The following MYO10 variants were observed in gnomAD, a reference collection of about 807,000 sequenced individuals.
The protein encoded by MYO10 is myosin X.
In MYO10, 133 loss-of-function variants were observed where a neutral mutation model predicts 257.3. The observed-to-expected ratio is 0.52, with a 90% CI of 0.45 to 0.60. The LOEUF (loss-of-function observed/expected upper bound fraction) is 0.60, where lower values mean the gene tolerates loss of function less well. MYO10 is among the 20% of genes least tolerant of loss of function. MYO10 has a pLI of 0.00. For synonymous variants in MYO10, 1,104 were observed against 1,028.6 expected, an observed-to-expected ratio of 1.07 and a Z score of -1.40; for missense variants, 2,399 against 2,635.7, an observed-to-expected ratio of 0.91 and a Z score of 1.97.
intron 19 of MYO10, among the ~76,000 whole-genome samples, chr5:16,732,570 G>T (rs1298997950): frequency 6.6e-6 from 1 of 152,202 alleles, no homozygotes; most frequent in Non-Finnish European, 1.5e-5. Flanking sequence ...TAGGAGGGCA[G>T]CTGTCTCTCT....
chr5:16,815,801 G>A (rs1742586913), intron 3 of MYO10, among the ~76,000 whole-genome samples: 1 of 152,168 alleles, frequency 6.6e-6, no homozygotes, highest in Non-Finnish European at 1.5e-5. Context: ...GATGAGAACA[G>A]AGAAATAAAT....
chr5:16,906,231 A>C (rs866597491), intron 1 of MYO10, among the ~76,000 whole-genome samples: 3 of 152,100 alleles, frequency 2.0e-5, no homozygotes, highest in African/African-American at 4.8e-5. Flanking sequence ...CCATTCCTCA[A>C]CACCACACCC....
rs954709607 is a variant in MYO10, at chr5:16,703,007, G to T, written c.2428C>A (p.Gln810Lys). 1.2e-5 allele frequency: 19 copies of T among 1,552,204 alleles called. No homozygotes were observed. Among genetic ancestry groups the T allele is most frequent in the Non-Finnish European group, 1.6e-5 (18 of 1,147,160 alleles). The change falls in exon 23 of 41, where the codon CAA becomes AAA. Residue 810 changes from glutamine (Q) to lysine (K), a missense_variant. By Grantham distance (53) the Gln-to-Lys change is moderately conservative. Around this residue, in one of 3 missense-constraint regions of MYO10, gnomAD observed 1,820 missense variants for 1,939.4 expected, o/e 0.94. Transcript: ENST00000513610. ...RGQIARRVYR[Q>K]LLAEKREQEE... Reference sequence around the variant, plus strand: ...TGCTCCCTTTTCTCTGCCAGCAATTGTCTGTAAACTCTCCGAGCAATCTGA... The same window carrying T: ...TGCTCCCTTTTCTCTGCCAGCAATTTTCTGTAAACTCTCCGAGCAATCTGA...
rs1737920696 is a variant in MYO10, at chr5:16,699,432, T to C, written c.3556+18A>G. 5 of 1,612,322 alleles carry C rather than the reference T, an allele frequency of 3.1e-6. No homozygotes were observed. The highest frequency in any genetic ancestry group is 4.2e-6 in the Non-Finnish European group (5 of 1,179,078). On this transcript the variant is annotated intron_variant, in intron 26 of 40. Transcript: ENST00000513610. ...CGCTCTCCCCCTAACCCAGACTCCA[T>C]GGCGGCTGCAGTCATACCTTTCATG... is the stretch of plus-strand genomic sequence containing the variant.
At chr5:16,866,845 C>T (rs1744264361) in intron 2 of MYO10, among the ~76,000 whole-genome samples, 1 of 152,194 alleles carries the variant, frequency 6.6e-6, no homozygotes, top group South Asian at 2.1e-4. Context: ...GCCTTTTCCT[C>T]CAACCTCACG....
At chr5:16,775,035 A>G (rs533478243) in intron 9 of MYO10, among the ~76,000 whole-genome samples, 1 of 152,340 alleles carries the variant, frequency 6.6e-6, no homozygotes, top group South Asian at 2.1e-4. Flanking sequence ...GTAAAAGAAT[A>G]AACAGATGAT....
At chr5:16,884,935 T>C (rs1409766006) in intron 1 of MYO10, among the ~76,000 whole-genome samples, 1 of 152,176 alleles carries the variant, frequency 6.6e-6, no homozygotes, top group Non-Finnish European at 1.5e-5. Context: ...ACAAAACCAT[T>C]CACTGTCAGT....
At chr5:16,865,567 T>C (rs1006249473) in intron 2 of MYO10, among the ~76,000 whole-genome samples, 9 of 152,258 alleles carry the variant, frequency 5.9e-5, no homozygotes, top group Admixed American at 2.0e-4. Context: ...TCCCAGCACT[T>C]TGGGAGGCCG....
intron 1 of MYO10, among the ~76,000 whole-genome samples, chr5:16,921,799 G>C (rs950080027): frequency 1.3e-5 from 2 of 152,110 alleles, no homozygotes; most frequent in African/African-American, 4.8e-5. Flanking sequence ...ACAACCAGGA[G>C]GTGAGGGTAT....
intron 2 of MYO10, among the ~76,000 whole-genome samples, chr5:16,846,586 T>C (rs1743641848): frequency 6.6e-6 from 1 of 152,132 alleles, no homozygotes; most frequent in African/African-American, 2.4e-5. Flanking sequence ...AGAAGGAGGG[T>C]GGCCACAAAC....
At chr5:16,681,187 A>T in intron 32 of MYO10, 122 bp downstream of exon 32, 1 of 1,112,660 alleles carries the variant, frequency 9.0e-7, no homozygotes, top group Non-Finnish European at 1.3e-6. Flanking sequence ...AAGATAAACC[A>T]AGAGGACAAC....
intron 21 of MYO10, among the ~76,000 whole-genome samples, chr5:16,707,577 AGAACTGAG>A (rs1174625003): frequency 1.3e-5 from 2 of 152,324 alleles, no homozygotes; most frequent in Non-Finnish European, 2.9e-5. Context: ...TCATTGCCAC[AGAACTGAG>A]GAAGAAAAGT....
chr5:16,833,932 A>T (rs528041261), intron 2 of MYO10, among the ~76,000 whole-genome samples: 1 of 152,280 alleles, frequency 6.6e-6, no homozygotes, highest in East Asian at 1.9e-4. Flanking sequence ...ATCTGGCCAT[A>T]CCCTGATTGG....
chr5:16,828,139 T>C (rs559390612), intron 2 of MYO10, among the ~76,000 whole-genome samples: 3 of 152,246 alleles, frequency 2.0e-5, no homozygotes, highest in Middle Eastern at 3.4e-3. Flanking sequence ...GCGGCAGAGA[T>C]GCTGAGGCTT....
chr5:16,874,897 C>T (rs1744556201), intron 2 of MYO10, among the ~76,000 whole-genome samples: 1 of 152,152 alleles, frequency 6.6e-6, no homozygotes, highest in African/African-American at 2.4e-5. Context: ...TTTAATTGGA[C>T]TTACAGTTCC....
At chr5:16,746,796 CCA>C (rs1740210626) in intron 19 of MYO10, among the ~76,000 whole-genome samples, 1 of 152,116 alleles carries the variant, frequency 6.6e-6, no homozygotes, top group African/African-American at 2.4e-5. Context: ...GCCTTTGCTT[CCA>C]CAGTGACAGG....
chr5:16,672,846 A>T (rs1427959507), intron 36 of MYO10, 21 bp from the exon 37 acceptor site: 22 of 1,609,388 alleles, frequency 1.4e-5, no homozygotes, highest in Non-Finnish European at 1.9e-5. Flanking sequence ...CACCAGGGGG[A>T]CTTCAGTTCC....
At chr5:16,774,606 A>T in intron 9 of MYO10, among the ~76,000 whole-genome samples, 1 of 151,970 alleles carries the variant, frequency 6.6e-6, no homozygotes. Context: ...TATTTTTAGT[A>T]GAGACGGGGT....
intron 3 of MYO10, among the ~76,000 whole-genome samples, chr5:16,798,844 A>G (rs1404586145): frequency 3.3e-5 from 5 of 152,162 alleles, no homozygotes; most frequent in African/African-American, 1.2e-4. Context: ...CCAACCATCA[A>G]CACGGCGGGC....
Sources: allele counts gnomAD v4.1 joint callset (sites outside exome capture counted in the v4.1 genomes callset), GRCh38; gene constraint gnomAD v4.1.1; regional missense constraint gnomAD v4.1.1; transcripts MANE v1.5; gene names NCBI Gene and HGNC (gene_info 2026-07-23, HGNC 2026-07-21).